Variants in PRKAR1A observed in about 807,000 individuals in gnomAD.
The protein encoded by PRKAR1A is protein kinase cAMP-dependent type I regulatory subunit alpha.
PRKAR1A carries 3 observed loss-of-function variants against 52.0 expected under a neutral mutation model. That is an observed-to-expected ratio of 0.06 (90% confidence interval 0.03 to 0.15). The LOEUF (loss-of-function observed/expected upper bound fraction) is 0.15. PRKAR1A is among the 10% of genes least tolerant of loss of function. The pLI is 1.00. For synonymous variants in PRKAR1A, 188 were observed against 168.4 expected (o/e 1.12, Z -0.90); for missense variants, 240 against 477.4 (o/e 0.50, Z 4.63).
At position 68,530,196 on chromosome 17, in the gene PRKAR1A, G is replaced by T. The variant is rs546434939; in HGVS notation, c.974-81G>T. 2.6e-6 allele frequency: 4 copies of T among 1,551,660 alleles called. No homozygotes were observed. The East Asian group carries it at 9.0e-5, about 35-fold the overall frequency. On this transcript the variant is annotated intron_variant, in intron 10 of 10. Coordinates refer to ENST00000589228, the MANE Select transcript of PRKAR1A (RefSeq NM_002734.5). Reference sequence around the variant, plus strand: ...AATTACTGATTGTCTCATATCTATTGTCTTCTTTCTCAGAAGTGCACTGCT... The same window carrying T: ...AATTACTGATTGTCTCATATCTATTTTCTTCTTTCTCAGAAGTGCACTGCT...
the PRKAR1A span, among the ~76,000 whole-genome samples, chr17:68,485,250 A>G: frequency 1.3e-5 from 2 of 152,222 alleles, no homozygotes; most frequent in Non-Finnish European, 2.9e-5. Context: ...ACAAAGATCA[A>G]CTTCGCTTCC....
At chr17:68,462,000 A>G in the PRKAR1A span, among the ~76,000 whole-genome samples, 20 of 152,286 alleles carry the variant, frequency 1.3e-4, no homozygotes, top group Admixed American at 1.1e-3. This position sits in a 1 kb window ranked among gnomAD's most constrained non-coding sequence, Gnocchi z 4.6. Flanking sequence ...AAGAGGCCCT[A>G]TCATGTGCCC....
At chr17:68,431,901 C>G in the PRKAR1A span, among the ~76,000 whole-genome samples, 2 of 152,254 alleles carry the variant, frequency 1.3e-5, no homozygotes, top group Admixed American at 6.5e-5. Flanking sequence ...GGGGCTGCAG[C>G]AGCAATTGCG....
At position 68,527,825 on chromosome 17, in the gene PRKAR1A, T is replaced by A. The variant is rs532079416; in HGVS notation, c.709-15T>A. The stretch of plus-strand genomic sequence containing the variant: ...CACGTCTTGGGGATATCACTTTTGT[T>A]ATTTTTATTTTTAGGGAAGCACACT... On this transcript the variant is annotated splice_polypyrimidine_tract_variant and intron_variant, in intron 7 of 10. Coordinates refer to ENST00000589228, the MANE Select transcript of PRKAR1A (RefSeq NM_002734.5). 1.3e-6 allele frequency: 2 copies of A among 1,598,786 alleles called. No homozygotes were observed. The highest frequency in any genetic ancestry group is 8.6e-7 in the Non-Finnish European group (1 of 1,166,752).
At chr17:68,470,160 G>A in the PRKAR1A span, among the ~76,000 whole-genome samples, 3 of 150,680 alleles carry the variant, frequency 2.0e-5, no homozygotes, top group African/African-American at 7.3e-5. Context: ...TCGGCTCACT[G>A]CAACCTCCAT....
At chr17:68,526,518 T>C (rs1329521948) in intron 7 of PRKAR1A, among the ~76,000 whole-genome samples, 1 of 152,238 alleles carries the variant, frequency 6.6e-6, no homozygotes, top group Non-Finnish European at 1.5e-5. Flanking sequence ...GCAGTGTCCA[T>C]CTGACCATTT....
At chr17:68,416,914 T>C in the PRKAR1A span, among the ~76,000 whole-genome samples, 2 of 152,352 alleles carry the variant, frequency 1.3e-5, no homozygotes, top group Admixed American at 1.3e-4. Flanking sequence ...GGCTTCACCT[T>C]TCTCTGGTGC....
At chr17:68,548,324 G>A (rs1267853087) in intron 11 of PRKAR1A, among the ~76,000 whole-genome samples, 1 of 152,194 alleles carries the variant, frequency 6.6e-6, no homozygotes, top group Non-Finnish European at 1.5e-5. Context: ...GAGGTCGAGA[G>A]TTCGAGACCA....
At chr17:68,424,411 G>A in the PRKAR1A span, 1 of 533,696 alleles carries the variant, frequency 1.9e-6, no homozygotes, top group Non-Finnish European at 3.9e-6. Context: ...CCACGGATCT[G>A]CGGGAGAAAG....
At chr17:68,483,379 G>A in the PRKAR1A span, among the ~76,000 whole-genome samples, 1 of 152,278 alleles carries the variant, frequency 6.6e-6, no homozygotes, top group South Asian at 2.1e-4. Flanking sequence ...TACTCAGGAG[G>A]CTGAGGCAGG....
chr17:68,490,614 G>A, the PRKAR1A span, among the ~76,000 whole-genome samples: 1 of 152,030 alleles, frequency 6.6e-6, no homozygotes, highest in Non-Finnish European at 1.5e-5. Context: ...TAAGGTTTGG[G>A]GTAATAAAAC....
chr17:68,537,477 T>G (rs755526466), downstream of PRKAR1A: 1 of 1,614,068 alleles, frequency 6.2e-7, no homozygotes, highest in Non-Finnish European at 8.5e-7. This position sits in a 1 kb window ranked among gnomAD's most constrained non-coding sequence, Gnocchi z 4.2. Flanking sequence ...CTGCCAGCCC[T>G]TAGCTTGTCA....
At chr17:68,450,612 C>T in the PRKAR1A span, 8 of 1,363,608 alleles carry the variant, frequency 5.9e-6, no homozygotes, top group African/African-American at 5.9e-5. Flanking sequence ...TGAGTGTTAA[C>T]ATTCTCATTA....
At chr17:68,543,465 C>T (rs1360416113) in intron 11 of PRKAR1A, among the ~76,000 whole-genome samples, 1 of 152,112 alleles carries the variant, frequency 6.6e-6, no homozygotes, top group African/African-American at 2.4e-5. Flanking sequence ...TGGGGGGTTG[C>T]ATGGGACATT....
intron 6 of PRKAR1A, 33 bp downstream of exon 6, chr17:68,524,991 C>T: frequency 6.5e-7 from 1 of 1,544,716 alleles, no homozygotes; most frequent in African/African-American, 1.4e-5. Flanking sequence ...ATATGTTGAT[C>T]TTAAAAGCCA....
chr17:68,497,536 T>C, the PRKAR1A span, among the ~76,000 whole-genome samples: 4 of 152,176 alleles, frequency 2.6e-5, no homozygotes, highest in Admixed American at 2.6e-4. Flanking sequence ...TTAATTTAGA[T>C]TTGAAGAGCT....
chr17:68,545,872 G>C (rs1221292449), intron 11 of PRKAR1A, among the ~76,000 whole-genome samples: 1 of 152,116 alleles, frequency 6.6e-6, no homozygotes, highest in Non-Finnish European at 1.5e-5. Context: ...TTATCCATAA[G>C]AAGCCACTCC....
At chr17:68,454,462 TA>T in the PRKAR1A span, among the ~76,000 whole-genome samples, 1 of 152,204 alleles carries the variant, frequency 6.6e-6, no homozygotes, top group Non-Finnish European at 1.5e-5. Flanking sequence ...GACACAGGGA[TA>T]GGGCAACTAC....
the PRKAR1A span, among the ~76,000 whole-genome samples, chr17:68,417,733 ATTTTTTTTTTTT>A: frequency 3.9e-4 from 24 of 60,834 alleles, no homozygotes; most frequent in East Asian, 1.3e-3. Flanking sequence ...GAGTTGCTGA[ATTTTTTTTTTTT>A]TTTTTTTTTT....
Sources: allele counts gnomAD v4.1 joint callset (sites outside exome capture counted in the v4.1 genomes callset), GRCh38; gene constraint gnomAD v4.1.1; non-coding constraint Gnocchi (gnomAD v3.1); transcripts MANE v1.5; gene names NCBI Gene and HGNC (gene_info 2026-07-23, HGNC 2026-07-21).